Variants in PLCXD3 observed in about 807,000 individuals in gnomAD.
PLCXD3 encodes the protein PI-PLC X domain-containing protein 3.
Under a neutral mutation model 25.5 loss-of-function variants are expected in PLCXD3, and 19 were observed. The ratio of observed to expected loss-of-function variants is 0.75; its 90% confidence interval spans 0.52 to 1.09. The LOEUF (loss-of-function observed/expected upper bound fraction) is 1.09, where lower values mean the gene tolerates loss of function less well. PLCXD3 is among the 50% of genes least tolerant of loss of function. The probability of loss-of-function intolerance (pLI) is 0.00; values close to 1 mark genes in which losing one functional copy is unlikely to be tolerated. For synonymous variants in PLCXD3, 174 were observed against 137.6 expected (o/e 1.26, Z -1.85); for missense variants, 411 against 388.1 (o/e 1.06, Z -0.50).
chr5:41,380,233 G>A (rs1397602955), intron 2 of PLCXD3, among the ~76,000 whole-genome samples: 1 of 152,128 alleles, frequency 6.6e-6, no homozygotes, highest in East Asian at 1.9e-4. Context: ...CTCTGTGAAT[G>A]CTTCCATTAC....
Position 41,382,078 on chromosome 5 carries a change from TTCTCCCACAGGTACTTTAAAC to T in PLCXD3, c.539_559del (p.Ser180_Glu186del). 1 of 1,613,722 alleles carries T rather than the reference TTCTCCCACAGGTACTTTAAAC, an allele frequency of 6.2e-7. No individual in the cohort carries two copies. Among genetic ancestry groups the T allele is most frequent in the South Asian group, 1.1e-5 (1 of 91,086 alleles). On this transcript the variant is annotated inframe_deletion, in exon 2 of 3. Transcript: ENST00000377801. ...GTAGAAGACCAGCACTTGATAGTCCTTCTCCCACAGGTACTTTAAACTAACTTCCTGGGCAAAAATCGCTGG... is the reference window on the plus strand; with the variant it reads ...GTAGAAGACCAGCACTTGATAGTCCTTAACTTCCTGGGCAAAAATCGCTGG...
intron 1 of PLCXD3, among the ~76,000 whole-genome samples, chr5:41,411,743 AT>A (rs202069883): frequency 1.1e-4 from 13 of 120,930 alleles, no homozygotes; most frequent in Non-Finnish European, 1.3e-4. Context: ...ATATTTTATA[AT>A]TTTATAATTT....
At chr5:41,323,993 T>C (rs1394677188) in intron 2 of PLCXD3, among the ~76,000 whole-genome samples, 1 of 152,118 alleles carries the variant, frequency 6.6e-6, no homozygotes, top group African/African-American at 2.4e-5. Context: ...ACAGGTCTTA[T>C]ATGCAGGACA....
At chr5:41,424,522 A>G (rs1663007556) in intron 1 of PLCXD3, among the ~76,000 whole-genome samples, 1 of 152,180 alleles carries the variant, frequency 6.6e-6, no homozygotes, top group African/African-American at 2.4e-5. Flanking sequence ...CCTGGGCAAC[A>G]AGAGCAAAAC....
rs1055391229 is a variant in PLCXD3 at position 41,312,200 on chromosome 5, G to T, written c.*1417C>A. ...TCCCTGTAGACCCGGACTATTAAACGTTAGGTTGCAGAAACTTTGTGTGAA... is the reference window on the plus strand; with the variant it reads ...TCCCTGTAGACCCGGACTATTAAACTTTAGGTTGCAGAAACTTTGTGTGAA... On this transcript the variant is annotated 3_prime_UTR_variant, in exon 3 of 3. Coordinates refer to ENST00000377801, the MANE Select transcript of PLCXD3 (RefSeq NM_001005473.3). 1 of 152,382 alleles carries T rather than the reference G, an allele frequency of 6.6e-6. No individual in the cohort carries two copies. Among genetic ancestry groups the T allele is most frequent in the Non-Finnish European group, 1.5e-5 (1 of 67,986 alleles). 9.4% of individuals were successfully genotyped at this position (152,382 alleles called of 1,614,324 possible).
At chr5:41,502,398 C>T (rs921025255) in intron 1 of PLCXD3, among the ~76,000 whole-genome samples, 11 of 151,582 alleles carry the variant, frequency 7.3e-5, no homozygotes, top group East Asian at 1.9e-4. Context: ...TGTATGTGTG[C>T]GGTGTGTGTG....
intron 1 of PLCXD3, among the ~76,000 whole-genome samples, chr5:41,421,670 A>C (rs1320973121): frequency 6.6e-6 from 1 of 152,198 alleles, no homozygotes; most frequent in Non-Finnish European, 1.5e-5. Context: ...TACTGCAGTC[A>C]GGCCTGGGCG....
chr5:41,344,245 A>G (rs1744243253), intron 2 of PLCXD3, among the ~76,000 whole-genome samples: 1 of 152,142 alleles, frequency 6.6e-6, no homozygotes, highest in Non-Finnish European at 1.5e-5. Context: ...TTTTGTTGAC[A>G]TATTTGGCCA....
At chr5:41,406,650 C>G (rs1192036673) in intron 1 of PLCXD3, among the ~76,000 whole-genome samples, 5 of 152,138 alleles carry the variant, frequency 3.3e-5, no homozygotes, top group African/African-American at 7.2e-5. Context: ...TTGTTCTCTT[C>G]CATTCCATTG....
rs556441737 is a variant in PLCXD3, at chr5:41,413,302, G to T, written c.104-30768C>A. Among the ~76,000 whole-genome samples, 390 of 152,276 alleles carry T rather than the reference G, an allele frequency of 2.6e-3. 1 individual carries two copies. The highest frequency in any genetic ancestry group is 8.9e-3 in the African/African-American group (371 of 41,570). ...GGCTGCGAGCTGGCTCAATTGCAGT[G>T]TCAGACCAGGCAAATCAAGAAGAAA... is the stretch of plus-strand genomic sequence containing the variant. On this transcript the variant is annotated intron_variant, in intron 1 of 2. Coordinates refer to ENST00000377801, the MANE Select transcript of PLCXD3 (RefSeq NM_001005473.3).
intron 1 of PLCXD3, among the ~76,000 whole-genome samples, chr5:41,430,982 C>T (rs547368899): frequency 3.0e-4 from 45 of 152,182 alleles, no homozygotes; most frequent in African/African-American, 9.9e-4. Flanking sequence ...AATTGGTCAT[C>T]CTCTAATGGG....
At chr5:41,486,585 GAC>G (rs1226158392) in intron 1 of PLCXD3, among the ~76,000 whole-genome samples, 1 of 152,122 alleles carries the variant, frequency 6.6e-6, no homozygotes, top group African/African-American at 2.4e-5. Context: ...CAAATGGAAA[GAC>G]AGAAAATTTG....
At chr5:41,462,880 C>A (rs999652547) in intron 1 of PLCXD3, among the ~76,000 whole-genome samples, 2 of 152,022 alleles carry the variant, frequency 1.3e-5, no homozygotes, top group Non-Finnish European at 1.5e-5. Context: ...TTTGTCTTGG[C>A]CAACCTAGAA....
At chr5:41,492,908 C>A (rs1748736872) in intron 1 of PLCXD3, among the ~76,000 whole-genome samples, 1 of 152,236 alleles carries the variant, frequency 6.6e-6, no homozygotes, top group Non-Finnish European at 1.5e-5. Flanking sequence ...GTTTGATCAT[C>A]TGAAGCCTTC....
At chr5:41,461,204 A>G (rs1056089152) in intron 1 of PLCXD3, among the ~76,000 whole-genome samples, 1 of 152,030 alleles carries the variant, frequency 6.6e-6, no homozygotes, top group African/African-American at 2.4e-5. Context: ...CAGCAGAGAA[A>G]ATCAACAGGG....
intron 2 of PLCXD3, among the ~76,000 whole-genome samples, chr5:41,322,595 G>C (rs1415210225): frequency 6.6e-6 from 1 of 152,260 alleles, no homozygotes; most frequent in African/African-American, 2.4e-5. Context: ...ATATTGAAGA[G>C]ATATCTGCAC....
Position 41,510,588 on chromosome 5 carries a change from G to T in PLCXD3, c.-62C>A. The T allele has an allele frequency of 7.6e-7, 1 of 1,317,742 alleles. No individual in the cohort carries two copies. The highest frequency in any genetic ancestry group is 1.1e-6 in the Non-Finnish European group (1 of 926,512). 81.6% of individuals were successfully genotyped at this position (1,317,742 alleles called of 1,614,324 possible). A position where few individuals can be genotyped will look rare whatever the true frequency, so the allele number is the denominator to read the frequency against. Reference sequence around the variant, plus strand: ...TCCTCGGGCAGGCTGGCAGGCTGCTGCCGCTAATCCAATGTTTGCTCTAGC... The same window carrying T: ...TCCTCGGGCAGGCTGGCAGGCTGCTTCCGCTAATCCAATGTTTGCTCTAGC... On this transcript the variant is annotated 5_prime_UTR_variant, in exon 1 of 3. Transcript: ENST00000377801.
chr5:41,338,216 T>C (rs1285641541), intron 2 of PLCXD3, among the ~76,000 whole-genome samples: 1 of 152,258 alleles, frequency 6.6e-6, no homozygotes, highest in East Asian at 1.9e-4. Context: ...CAATGCTTCA[T>C]GAGAGATTAA....
At chr5:41,473,938 T>A (rs1472034617) in intron 1 of PLCXD3, among the ~76,000 whole-genome samples, 3 of 152,160 alleles carry the variant, frequency 2.0e-5, no homozygotes, top group Non-Finnish European at 2.9e-5. Flanking sequence ...CTTTTTAAAT[T>A]TCAAACTAAT....
Sources: gnomAD v4.1 joint callset for allele counts (sites outside exome capture counted in the v4.1 genomes callset) on GRCh38, gnomAD v4.1.1 for gene constraint, MANE v1.5 for transcripts, NCBI Gene and HGNC (gene_info 2026-07-23, HGNC 2026-07-21) for gene names.